The following ROR1 variants were observed in gnomAD, a reference collection of about 807,000 sequenced individuals.
The protein encoded by ROR1 is ROR family WNT receptor 1, also known as inactive tyrosine-protein kinase transmembrane receptor ROR1.
A neutral mutation model predicts 78.8 loss-of-function variants in ROR1; 19 were observed. The ratio of observed to expected loss-of-function variants is 0.24; its 90% CI spans 0.17 to 0.35. The LOEUF (loss-of-function observed/expected upper bound fraction) is 0.35. Ranked by LOEUF, ROR1 falls within the 10% of genes least tolerant of loss-of-function variation. The pLI is 1.00. For synonymous variants in ROR1, 386 were observed against 433.6 expected (o/e 0.89, Z 1.36); for missense variants, 917 against 1,177.8 (o/e 0.78, Z 3.24).
intron 1 of ROR1, among the ~76,000 whole-genome samples, chr1:63,836,974 C>A (rs59664077): frequency 2.0e-5 from 3 of 152,130 alleles, no homozygotes; most frequent in East Asian, 1.9e-4. Flanking sequence ...ATCAAGACAT[C>A]GGTTCCCTGT....
rs567036887 is a variant in ROR1, at chr1:63,900,979, A to C, written c.92-108326A>C. Among the ~76,000 whole-genome samples the C allele has an allele frequency of 3.0e-4, 46 of 152,252 alleles. No individual in the cohort carries two copies. In the East Asian group the frequency reaches 4.4e-3, roughly 15 times the overall value. ...CATAATGAGCTTCTGAGGTGGTAGC[A>C]TTATTACCGTCATGTTACAGGTGAG... On this transcript the variant is annotated intron_variant, in intron 1 of 8. Transcript: ENST00000371079.
At chr1:64,021,890 C>T (rs1570071643) in intron 2 of ROR1, among the ~76,000 whole-genome samples, 1 of 152,052 alleles carries the variant, frequency 6.6e-6, no homozygotes, top group Non-Finnish European at 1.5e-5. Flanking sequence ...TTGTAAAACT[C>T]ATATATACCC....
At chr1:64,175,038 T>A (rs531991549) in intron 8 of ROR1, among the ~76,000 whole-genome samples, 13 of 150,562 alleles carry the variant, frequency 8.6e-5, no homozygotes, top group African/African-American at 2.7e-4. Context: ...TTATTTAATT[T>A]AAAAAAATAG....
chr1:63,913,497 C>T (rs1645586774), intron 1 of ROR1, among the ~76,000 whole-genome samples: 1 of 152,116 alleles, frequency 6.6e-6, no homozygotes, highest in East Asian at 1.9e-4. Flanking sequence ...CTTGCTGATA[C>T]CTTTCACTAG....
At chr1:63,821,764 C>T (rs991431525) in intron 1 of ROR1, among the ~76,000 whole-genome samples, 3 of 152,104 alleles carry the variant, frequency 2.0e-5, no homozygotes, top group Non-Finnish European at 4.4e-5. Flanking sequence ...CAGCTTCAGC[C>T]GTGAGGATAT....
intron 1 of ROR1, among the ~76,000 whole-genome samples, chr1:63,974,378 T>C (rs1191641738): frequency 1.3e-5 from 2 of 152,190 alleles, no homozygotes; most frequent in African/African-American, 4.8e-5. Context: ...TAATAGGTGG[T>C]CAAGAAATAT....
At chr1:64,048,342 C>T (rs1646801720) in intron 2 of ROR1, among the ~76,000 whole-genome samples, 2 of 152,198 alleles carry the variant, frequency 1.3e-5, no homozygotes, top group East Asian at 1.9e-4. Flanking sequence ...GATTATAGAA[C>T]ATTTCCATCA....
chr1:63,863,989 A>G (rs1035461879), intron 1 of ROR1, among the ~76,000 whole-genome samples: 1 of 152,020 alleles, frequency 6.6e-6, no homozygotes, highest in Non-Finnish European at 1.5e-5. Context: ...TTTTTTTCCT[A>G]AAAAGGACCA....
Position 64,102,961 on chromosome 1 carries a change from C to A in ROR1, c.483-34408C>A, listed in dbSNP as rs536954036. Reference sequence around the variant, plus strand: ...TGTCCCCTGGGATGACAATCACCCCCCTGTTGAGAATCATTGGTCCAGATG... The same window carrying A: ...TGTCCCCTGGGATGACAATCACCCCACTGTTGAGAATCATTGGTCCAGATG... On this transcript the variant is annotated intron_variant, in intron 4 of 8. Transcript: ENST00000371079. 3.8e-4 allele frequency among the ~76,000 whole-genome samples: 58 copies of A among 152,264 alleles called. 1 individual carries two copies. Among genetic ancestry groups the A allele is most frequent in the Middle Eastern group, 6.8e-3 (2 of 294 alleles).
chr1:63,966,978 G>A (rs923805716), intron 1 of ROR1, among the ~76,000 whole-genome samples: 4 of 152,156 alleles, frequency 2.6e-5, no homozygotes, highest in African/African-American at 9.7e-5. Context: ...GTTAGGTGCT[G>A]CCTCATCAGA....
At chr1:64,152,410 C>T (rs756073375) in intron 7 of ROR1, among the ~76,000 whole-genome samples, 5 of 152,100 alleles carry the variant, frequency 3.3e-5, no homozygotes, top group Non-Finnish European at 5.9e-5. Context: ...AAGAGGACCA[C>T]GATGTTCTTG....
chr1:63,861,374 A>G (rs1469947316), intron 1 of ROR1, among the ~76,000 whole-genome samples: 7 of 152,208 alleles, frequency 4.6e-5, no homozygotes, highest in Admixed American at 2.0e-4. Context: ...CATTTTGCCA[A>G]TAGTCATTCC....
At position 64,031,868 on chromosome 1, in the gene ROR1, C is replaced by T. The variant is rs187600942; in HGVS notation, c.164-17823C>T. ...TTTTGTGTGTGTGTGTTTGTGTGTG[C>T]GTGTGCATGCACTATAACATTTTGG... On this transcript the variant is annotated intron_variant, in intron 2 of 8. Coordinates refer to ENST00000371079, the MANE Select transcript of ROR1 (RefSeq NM_005012.4). Among the ~76,000 whole-genome samples the T allele has an allele frequency of 4.6e-3, 692 of 151,448 alleles. 7 individuals carry two copies. Among genetic ancestry groups the T allele is most frequent in the South Asian group, 0.013 (63 of 4,800 alleles).
intron 4 of ROR1, among the ~76,000 whole-genome samples, chr1:64,072,543 A>G (rs955592986): frequency 1.3e-5 from 2 of 152,200 alleles, no homozygotes; most frequent in Non-Finnish European, 2.9e-5. Context: ...AAAGCAGGAT[A>G]TTGTTTACTG....
intron 1 of ROR1, among the ~76,000 whole-genome samples, chr1:63,989,674 G>A (rs564775067): frequency 3.3e-5 from 5 of 152,148 alleles, no homozygotes; most frequent in Middle Eastern, 3.4e-3. Flanking sequence ...TGCTTTGGTC[G>A]AACACTCTGG....
chr1:64,174,004 A>C (rs1340077910), intron 8 of ROR1, among the ~76,000 whole-genome samples: 10 of 152,118 alleles, frequency 6.6e-5, no homozygotes. Context: ...TAGCAACTAC[A>C]GGAGAACAGA....
At chr1:63,812,304 A>G (rs1306374892) in intron 1 of ROR1, among the ~76,000 whole-genome samples, 1 of 152,214 alleles carries the variant, frequency 6.6e-6, no homozygotes, top group Non-Finnish European at 1.5e-5. Flanking sequence ...GTTGGAACAC[A>G]TTCACCCACA....
chr1:64,163,631 A>C (rs890729482), intron 8 of ROR1, among the ~76,000 whole-genome samples: 2 of 152,266 alleles, frequency 1.3e-5, no homozygotes, highest in Non-Finnish European at 2.9e-5. Context: ...ATTTACCCTC[A>C]TCTCTTGCCA....
chr1:63,786,256 A>AT (rs34933492), intron 1 of ROR1, among the ~76,000 whole-genome samples: 6,035 of 67,324 alleles, frequency 0.09, 1,608 homozygotes, highest in East Asian at 0.12. Flanking sequence ...CTACAACTTG[A>AT]TTTTTTTTTT....
Sources: allele counts gnomAD v4.1 joint callset (sites outside exome capture counted in the v4.1 genomes callset), GRCh38; gene constraint gnomAD v4.1.1; transcripts MANE v1.5; gene names NCBI Gene and HGNC (gene_info 2026-07-23, HGNC 2026-07-21).